TRPM5: variants seen among roughly 807,000 people sequenced by gnomAD.
TRPM5 encodes the protein MLSN1 and TRP-related.
Under a neutral mutation model 124.9 loss-of-function variants are expected in TRPM5, and 121 were observed. The observed-to-expected ratio is 0.97, with a 90% confidence interval of 0.84 to 1.13. The LOEUF (loss-of-function observed/expected upper bound fraction) is 1.13, where lower values mean the gene tolerates loss of function less well. TRPM5 is among the 50% of genes most tolerant of loss of function. The pLI is 0.00. For synonymous variants in TRPM5, 781 were observed against 700.5 expected (o/e 1.11, Z -1.81); for missense variants, 1,643 against 1,589.1 (o/e 1.03, Z -0.58).
intron 22 of TRPM5, among the ~76,000 whole-genome samples, 171 bp downstream of exon 27, chr11:2,405,848 T>TG (rs1850309167): frequency 6.6e-6 from 1 of 151,882 alleles, no homozygotes; most frequent in South Asian, 2.1e-4. Flanking sequence ...GAGGCACAGG[T>TG]GGGGACGGCC....
chr11:2,409,724 C>G (rs953523905), intron 18 of TRPM5, among the ~76,000 whole-genome samples: 33 of 152,096 alleles, frequency 2.2e-4, no homozygotes, highest in Non-Finnish European at 4.4e-4. Context: ...CTGAACGGAG[C>G]CCAAGGAATT....
At chr11:2,414,171 G>C (rs141475741) in exon 12 of TRPM5, 6 of 1,609,816 alleles carry the variant, frequency 3.7e-6, no homozygotes, top group East Asian at 2.2e-5. Context: ...GCGAAGGCGC[G>C]GGCCTCACTG....
At chr11:2,432,175 C>T in the TRPM5 span, among the ~76,000 whole-genome samples, 1 of 152,216 alleles carries the variant, frequency 6.6e-6, no homozygotes, top group Admixed American at 6.5e-5. Flanking sequence ...GGAGGAGGTG[C>T]CCAGGCGCTC....
At chr11:2,427,692 T>C (rs1261606034), upstream of TRPM5, among the ~76,000 whole-genome samples, 4 of 152,250 alleles carry the variant, frequency 2.6e-5, no homozygotes, top group African/African-American at 9.6e-5. Context: ...TAGATTGCTG[T>C]CGTTGCCTCC....
At chr11:2,428,960 T>C in the TRPM5 span, among the ~76,000 whole-genome samples, 7 of 150,288 alleles carry the variant, frequency 4.7e-5, no homozygotes, top group African/African-American at 9.9e-5. The surrounding 1 kb of genome is among the most constrained non-coding windows in gnomAD (Gnocchi z 4.0). Flanking sequence ...GGGATGATGA[T>C]AGTAGTCATG....
exon 19 of TRPM5, chr11:2,407,833 C>G: frequency 6.2e-7 from 1 of 1,613,990 alleles, no homozygotes; most frequent in Non-Finnish European, 8.5e-7. Flanking sequence ...GGAGGATGAC[C>G]AGCCAGTTGG....
chr11:2,405,008 C>G lies in TRPM5; in HGVS notation c.3427G>C (p.Ala1143Pro), dbSNP rs141074832. ...TCTAAACCACCTCTGTGGTCAGCAG[C>G]CACCAGCTGGCTTCCCTCGCCACAG... Residue 1143 changes from alanine to proline, a missense_variant, in exon 24 of 24, where the codon GCT (alanine) becomes CCT (proline). Coordinates refer to ENST00000155858, the Ensembl canonical transcript of TRPM5. 1.5e-4 allele frequency: 241 copies of G among 1,612,820 alleles called. No homozygotes were observed. The African/African-American group carries it at 2.6e-3, about 18-fold the overall frequency.
chr11:2,404,469 A>G (rs554091639), downstream of TRPM5: 1 of 155,630 alleles, frequency 6.4e-6, no homozygotes, highest in African/African-American at 2.4e-5. Context: ...CCTGAGCCCC[A>G]AAGGACCTTT....
Position 2,417,906 on chromosome 11 carries a change from C to T in TRPM5, c.907-77G>A, listed in dbSNP as rs546229465. The T allele has an allele frequency of 7.1e-4, 980 of 1,372,328 alleles. 16 individuals are homozygous for T. The South Asian group carries it at 1.0e-2, about 14-fold the overall frequency. 85.0% of individuals were successfully genotyped at this position (1,372,328 alleles called of 1,614,324 possible). A position where few individuals can be genotyped will look rare whatever the true frequency, so the allele number is the denominator to read the frequency against. On this transcript the variant is annotated intron_variant, in intron 6 of 23. Transcript: ENST00000155858. ...AGAGGCAGGCCGTGGTAGACACCAG[C>T]GTAGGCACAGGCAGCGTCCCCAGGT...
chr11:2,413,451 C>G, intron 13 of TRPM5, 25 bp downstream of exon 18: 1 of 1,587,502 alleles, frequency 6.3e-7, no homozygotes, highest in Admixed American at 1.8e-5. Context: ...CTGTCCTGGC[C>G]GGGCAGCTCA....
At chr11:2,422,066 C>T (rs1279811571) in intron 2 of TRPM5, 75 bp downstream of exon 7, 46 of 1,422,934 alleles carry the variant, frequency 3.2e-5, no homozygotes, top group African/African-American at 2.7e-4. Flanking sequence ...CTGCCTGTGC[C>T]GGGTTGCGGG....
At chr11:2,444,078 T>A in the TRPM5 span, among the ~76,000 whole-genome samples, 5 of 151,320 alleles carry the variant, frequency 3.3e-5, no homozygotes, top group Non-Finnish European at 5.9e-5. Context: ...TCAAACCAGG[T>A]CCAGACCCCG....
At position 2,414,210 on chromosome 11, in the gene TRPM5, C is replaced by A; in HGVS notation, c.1745-4G>T. The A allele has an allele frequency of 6.2e-7, 1 of 1,605,898 alleles. No individual in the cohort carries two copies. The highest frequency in any genetic ancestry group is 8.5e-7 in the Non-Finnish European group (1 of 1,176,874). ...CTGTAGCACTCGGAGAAGAGGTCTGCCCCCGGAGGCCCTGGCCGCTAGGAC... is the reference window on the plus strand; with the variant it reads ...CTGTAGCACTCGGAGAAGAGGTCTGACCCCGGAGGCCCTGGCCGCTAGGAC... On this transcript the variant is annotated splice_region_variant and splice_polypyrimidine_tract_variant and intron_variant, in intron 11 of 23. Transcript: ENST00000155858.
At chr11:2,443,330 C>T in the TRPM5 span, among the ~76,000 whole-genome samples, 1 of 152,196 alleles carries the variant, frequency 6.6e-6, no homozygotes, top group African/African-American at 2.4e-5. The surrounding 1 kb of genome is among the most constrained non-coding windows in gnomAD (Gnocchi z 5.0). Flanking sequence ...GCAGAGACTC[C>T]ATGCAGGTGT....
chr11:2,435,509 A>G, the TRPM5 span, among the ~76,000 whole-genome samples: 1 of 151,720 alleles, frequency 6.6e-6, no homozygotes, highest in Non-Finnish European at 1.5e-5. The surrounding 1 kb of genome is among the most constrained non-coding windows in gnomAD (Gnocchi z 4.1). Context: ...CCATCCGTCC[A>G]TCTGTCCATT....
intron 6 of TRPM5, 45 bp from the exon 12 acceptor site, chr11:2,417,874 C>T (rs761631504): frequency 1.9e-5 from 29 of 1,518,620 alleles, no homozygotes; most frequent in Admixed American, 5.9e-5. Flanking sequence ...TCAGCCAGGA[C>T]GGGGGCAGAG....
At chr11:2,415,527 G>C in intron 8 of TRPM5, 56 bp from the exon 14 acceptor site, 1 of 1,229,640 alleles carries the variant, frequency 8.1e-7, no homozygotes, top group Non-Finnish European at 1.1e-6. Context: ...CGAGAGACAG[G>C]AGGAGGGGGT....
chr11:2,409,030 C>T (rs1375973529), intron 18 of TRPM5, among the ~76,000 whole-genome samples: 1 of 152,186 alleles, frequency 6.6e-6, no homozygotes, highest in Non-Finnish European at 1.5e-5. Flanking sequence ...CTCCTTGTTC[C>T]CAGGTTCCTG....
exon 20 of TRPM5, chr11:2,407,275 T>G (rs1850343417): frequency 6.2e-7 from 1 of 1,611,322 alleles, no homozygotes; most frequent in Non-Finnish European, 8.5e-7. Flanking sequence ...ATGTCTGCGT[T>G]GCCCTGCACC....
Sources: allele counts gnomAD v4.1 joint callset (sites outside exome capture counted in the v4.1 genomes callset), GRCh38; gene constraint gnomAD v4.1.1; non-coding constraint Gnocchi (gnomAD v3.1); transcripts MANE v1.5; gene names NCBI Gene and HGNC (gene_info 2026-07-23, HGNC 2026-07-21).